BRINP3: variants seen among roughly 807,000 people sequenced by gnomAD.
BRINP3 encodes the protein BMP/retinoic acid-inducible neural-specific protein 3.
In BRINP3, 19 loss-of-function variants were observed where a neutral mutation model predicts 71.0. That is an observed-to-expected ratio of 0.27 (90% CI 0.19 to 0.39). The LOEUF is 0.39. BRINP3 is among the 10% of genes least tolerant of loss of function. BRINP3 has a pLI of 1.00. For synonymous variants in BRINP3, 380 were observed against 337.7 expected (o/e 1.13, Z -1.37); for missense variants, 959 against 940.8 (o/e 1.02, Z -0.25).
chr1:190,247,497 T>A (rs16832214), intron 4 of BRINP3, among the ~76,000 whole-genome samples: 9 of 151,978 alleles, frequency 5.9e-5, no homozygotes, highest in African/African-American at 2.2e-4. Flanking sequence ...TTGGTACTTA[T>A]TGGATTTTTG....
At chr1:190,102,747 A>T (rs1258088587) in intron 7 of BRINP3, among the ~76,000 whole-genome samples, 1 of 152,060 alleles carries the variant, frequency 6.6e-6, no homozygotes, top group African/African-American at 2.4e-5. Context: ...TTGACATGAT[A>T]AATACCATGA....
intron 2 of BRINP3, among the ~76,000 whole-genome samples, chr1:190,434,830 T>C (rs1307372307): frequency 1.3e-5 from 2 of 152,120 alleles, no homozygotes; most frequent in Non-Finnish European, 2.9e-5. Context: ...ACGTGTTAAA[T>C]ATTTGCAAAG....
chr1:190,207,411 A>G (rs552223002), intron 6 of BRINP3, among the ~76,000 whole-genome samples: 1 of 151,996 alleles, frequency 6.6e-6, no homozygotes, highest in South Asian at 2.1e-4. Context: ...TTTGCTGCCA[A>G]TTAACTCCGA....
At chr1:190,455,569 G>A (rs183317656) in intron 1 of BRINP3, among the ~76,000 whole-genome samples, 6 of 152,258 alleles carry the variant, frequency 3.9e-5, no homozygotes, top group African/African-American at 1.4e-4. Flanking sequence ...AGATGTGTGT[G>A]TGTGAGAGTG....
intron 7 of BRINP3, among the ~76,000 whole-genome samples, chr1:190,146,067 G>C (rs984059179): frequency 6.6e-6 from 1 of 152,016 alleles, no homozygotes; most frequent in Non-Finnish European, 1.5e-5. Context: ...AGTTAAAAGG[G>C]GAGTGAGGGA....
chr1:190,410,719 A>C (rs1399041508), intron 2 of BRINP3, among the ~76,000 whole-genome samples: 8 of 152,262 alleles, frequency 5.3e-5, no homozygotes, highest in African/African-American at 1.9e-4. Context: ...CAATGTTTCC[A>C]GAAAGGGTAT....
intron 6 of BRINP3, among the ~76,000 whole-genome samples, chr1:190,161,745 C>CT (rs1459687348): frequency 1.3e-5 from 2 of 152,038 alleles, no homozygotes; most frequent in South Asian, 4.2e-4. Flanking sequence ...GACGGTTAAT[C>CT]AACAAATATG....
chr1:190,267,599 TAA>T (rs1349562119), intron 3 of BRINP3, among the ~76,000 whole-genome samples: 2 of 152,022 alleles, frequency 1.3e-5, no homozygotes, highest in East Asian at 1.9e-4. Flanking sequence ...CGTTGTTTTT[TAA>T]AAGAGTGGAA....
chr1:190,105,935 A>G (rs1652121804), intron 7 of BRINP3, among the ~76,000 whole-genome samples: 1 of 152,084 alleles, frequency 6.6e-6, no homozygotes, highest in Non-Finnish European at 1.5e-5. Flanking sequence ...ATTACCAAAA[A>G]TAACTATATT....
chr1:190,287,040 G>A (rs988058356), intron 2 of BRINP3, among the ~76,000 whole-genome samples: 5 of 150,200 alleles, frequency 3.3e-5, no homozygotes, highest in Non-Finnish European at 7.4e-5. Flanking sequence ...CCAACATGGT[G>A]AAACCCTGTC....
intron 1 of BRINP3, among the ~76,000 whole-genome samples, chr1:190,473,555 T>G (rs1677288389): frequency 6.6e-6 from 1 of 150,378 alleles, no homozygotes; most frequent in Non-Finnish European, 1.5e-5. Context: ...TTTTTTTTTT[T>G]TGCTTCACTG....
chr1:190,220,148 A>G (rs1558076897), intron 6 of BRINP3, among the ~76,000 whole-genome samples: 1 of 152,092 alleles, frequency 6.6e-6, no homozygotes, highest in African/African-American at 2.4e-5. Context: ...TCCAAGGCAT[A>G]TAATAACCAA....
chr1:190,102,872 C>G lies in BRINP3; in HGVS notation c.1185-3738G>C, dbSNP rs114613535. Among the ~76,000 whole-genome samples, 273 of 152,054 alleles carry G rather than the reference C, an allele frequency of 1.8e-3. 2 individuals are homozygous for G. Among genetic ancestry groups the G allele is most frequent in the African/African-American group, 6.0e-3 (251 of 41,512 alleles). ...AGAATTATGAGCAGAAAAATATCTT[C>G]CGGAGTTCACTTAAAATTTAACTGG... On this transcript the variant is annotated intron_variant, in intron 7 of 7. Coordinates refer to ENST00000367462, the MANE Select transcript of BRINP3 (RefSeq NM_199051.3).
At chr1:190,182,725 T>A (rs575176914) in intron 6 of BRINP3, among the ~76,000 whole-genome samples, 1 of 152,068 alleles carries the variant, frequency 6.6e-6, no homozygotes, top group Admixed American at 6.6e-5. Context: ...GCTAGGCACA[T>A]CAGATAATAT....
At position 190,284,834 on chromosome 1, in the gene BRINP3, A is replaced by T. The variant is rs962866039; in HGVS notation, c.237-3084T>A. ...AAACTAATTAAATAACTAAATAATT[A>T]TAGTTATTGTTAATAACTAAAGAAA... is the stretch of plus-strand genomic sequence containing the variant. On this transcript the variant is annotated intron_variant, in intron 2 of 7. Transcript: ENST00000367462. 4.6e-5 allele frequency among the ~76,000 whole-genome samples: 7 copies of T among 152,100 alleles called. No individual in the cohort carries two copies. The East Asian group carries it at 1.2e-3, about 25-fold the overall frequency.
intron 2 of BRINP3, among the ~76,000 whole-genome samples, chr1:190,361,103 T>A (rs1161581887): frequency 6.6e-6 from 1 of 151,762 alleles, no homozygotes; most frequent in Non-Finnish European, 1.5e-5. Flanking sequence ...GCAGATACAT[T>A]TGACTCAAGC....
rs543880469 is a variant in BRINP3, at chr1:190,382,027, G to C, written c.236+72628C>G. On this transcript the variant is annotated intron_variant, in intron 2 of 7. Coordinates refer to ENST00000367462, the MANE Select transcript of BRINP3 (RefSeq NM_199051.3). ...CGAAACAGATACACATATTGCATAC[G>C]ACCATTTATTCCTTGGAGCAAACGT... is the stretch of plus-strand genomic sequence containing the variant. 7.9e-5 allele frequency among the ~76,000 whole-genome samples: 12 copies of C among 152,132 alleles called. No homozygotes were observed. In the South Asian group the frequency reaches 2.5e-3, roughly 32 times the overall value.
intron 1 of BRINP3, among the ~76,000 whole-genome samples, chr1:190,470,382 T>G (rs1677055565): frequency 6.6e-6 from 1 of 151,094 alleles, no homozygotes; most frequent in Non-Finnish European, 1.5e-5. Flanking sequence ...ATTTATTAAT[T>G]TAATCAATAA....
chr1:190,386,109 T>C (rs1476108968), intron 2 of BRINP3, among the ~76,000 whole-genome samples: 3 of 141,422 alleles, frequency 2.1e-5, no homozygotes, highest in Admixed American at 7.2e-5. Flanking sequence ...AGGGATAGCA[T>C]TGGGAGATAT....
Sources: gnomAD v4.1 joint callset for allele counts (sites outside exome capture counted in the v4.1 genomes callset) on GRCh38, gnomAD v4.1.1 for gene constraint, MANE v1.5 for transcripts, NCBI Gene and HGNC (gene_info 2026-07-23, HGNC 2026-07-21) for gene names.